Variants in FOCAD observed in about 807,000 individuals in gnomAD.
The protein encoded by FOCAD is focadhesin.
In FOCAD, 198 loss-of-function variants were observed where a neutral mutation model predicts 225.6. The observed-to-expected ratio is 0.88, with a 90% CI of 0.78 to 0.99. The LOEUF (loss-of-function observed/expected upper bound fraction) is 0.99, where lower values mean the gene tolerates loss of function less well. Ranked by LOEUF, FOCAD falls within the 50% of genes least tolerant of loss-of-function variation. FOCAD has a pLI of 0.00. For synonymous variants in FOCAD, 897 were observed against 755.0 expected (o/e 1.19, Z -3.08); for missense variants, 2,713 against 2,123.6 (o/e 1.28, Z -5.46).
At position 20,819,800 on chromosome 9, in the gene FOCAD, CA is replaced by C; in HGVS notation, c.1463del (p.Asn488IlefsTer2). ...ELAQADSSQV[P>X]NLIPVLMFKL... ...TATTTTAAAAATTCATTTTAGGTGC[CA>C]AATCTGATTCCAGTTTTGATGTTCA... On this transcript the variant is annotated frameshift_variant, in exon 12 of 44. Transcript: ENST00000338382. LOFTEE classifies it high-confidence loss of function. 6.6e-7 allele frequency: 1 copy of C among 1,518,574 alleles called. No homozygotes were observed. The highest frequency in any genetic ancestry group is 8.8e-7 in the Non-Finnish European group (1 of 1,133,980). The allele number at this position is 1,518,574 out of a possible 1,614,324, so 94.1% of individuals were successfully genotyped here.
At position 20,882,016 on chromosome 9, in the gene FOCAD, T is replaced by G. The variant is rs1271701687; in HGVS notation, c.2463T>G (p.Tyr821Ter). 1 of 1,613,846 alleles carries G rather than the reference T, an allele frequency of 6.2e-7. No homozygotes were observed. The highest frequency in any genetic ancestry group is 1.7e-5 in the Admixed American group (1 of 59,992). ...AGIPNFILKM[Y>*]ETNKQPGLKP... ...TCCCCAATTTTATATTGAAAATGTA[T>G]GAAACAAACAAGCAACCAGGACTGA... is the stretch of plus-strand genomic sequence containing the variant. Residue 821 changes from tyrosine (Y) to a stop codon, truncating the protein, a stop_gained, in exon 20 of 44, where the codon TAT (tyrosine) becomes TAG (stop). Coordinates refer to ENST00000338382, the MANE Select transcript of FOCAD (RefSeq NM_001375567.1). LOFTEE classifies it high-confidence loss of function.
chr9:20,825,020 T>C (rs1824722246), intron 15 of FOCAD, among the ~76,000 whole-genome samples: 1 of 151,332 alleles, frequency 6.6e-6, no homozygotes, highest in Non-Finnish European at 1.5e-5. Context: ...TTGGTGATAA[T>C]TTTTTTTTAA....
At chr9:20,731,536 A>G (rs1161743017) in intron 4 of FOCAD, among the ~76,000 whole-genome samples, 1 of 152,198 alleles carries the variant, frequency 6.6e-6, no homozygotes, top group African/African-American at 2.4e-5. Flanking sequence ...AGAACTAGAA[A>G]TACCTTCAGA....
At chr9:20,809,716 G>T (rs1564017959) in intron 11 of FOCAD, among the ~76,000 whole-genome samples, 1 of 152,132 alleles carries the variant, frequency 6.6e-6, no homozygotes, top group Non-Finnish European at 1.5e-5. Context: ...GATTATAGTT[G>T]TGAGTTTCTT....
At chr9:20,754,751 G>C (rs1185820315) in intron 5 of FOCAD, among the ~76,000 whole-genome samples, 1 of 152,076 alleles carries the variant, frequency 6.6e-6, no homozygotes, top group Non-Finnish European at 1.5e-5. Flanking sequence ...GGAGGCCAGG[G>C]ATGCTGCCAA....
At position 20,912,982 on chromosome 9, in the gene FOCAD, A is replaced by T. The variant is rs770265087; in HGVS notation, c.2807+28A>T. ...AAGTGTTCATGTTCAGCTGCCCATT[A>T]TTTGTCATGGGAAGTGAGCTATGAG... is the stretch of plus-strand genomic sequence containing the variant. On this transcript the variant is annotated intron_variant, in intron 23 of 43. Coordinates refer to ENST00000338382, the MANE Select transcript of FOCAD (RefSeq NM_001375567.1). 3.2e-6 allele frequency: 5 copies of T among 1,581,324 alleles called. No homozygotes were observed. In the East Asian group the frequency reaches 1.1e-4, roughly 35 times the overall value.
chr9:20,911,770 C>T (rs1833458922), intron 22 of FOCAD, among the ~76,000 whole-genome samples: 2 of 152,120 alleles, frequency 1.3e-5, no homozygotes, highest in East Asian at 3.9e-4. Flanking sequence ...GCATTCTGAG[C>T]CCATGTCCTT....
intron 6 of FOCAD, among the ~76,000 whole-genome samples, chr9:20,759,190 G>C (rs562921876): frequency 6.6e-6 from 1 of 152,060 alleles, no homozygotes; most frequent in Non-Finnish European, 1.5e-5. Flanking sequence ...TGGCCATACT[G>C]CCCAAGGCCA....
At chr9:20,754,961 C>G (rs1167070604) in intron 5 of FOCAD, among the ~76,000 whole-genome samples, 2 of 152,130 alleles carry the variant, frequency 1.3e-5, no homozygotes, top group Non-Finnish European at 2.9e-5. Flanking sequence ...AATTTGATGA[C>G]TCTTAAGGGA....
chr9:20,765,996 G>C (rs1830022774), intron 7 of FOCAD, among the ~76,000 whole-genome samples: 1 of 152,194 alleles, frequency 6.6e-6, no homozygotes, highest in South Asian at 2.1e-4. Context: ...AATCAAGGCA[G>C]AGAAAATTTA....
chr9:20,917,237 T>A (rs944248535), intron 24 of FOCAD, among the ~76,000 whole-genome samples: 2 of 151,974 alleles, frequency 1.3e-5, no homozygotes, highest in Admixed American at 1.3e-4. Flanking sequence ...ACTTAAAGGA[T>A]TGTAATTTAG....
chr9:20,990,060 G>A (rs555948604), intron 41 of FOCAD, 63 bp from the exon 42 acceptor site: 1 of 1,594,952 alleles, frequency 6.3e-7, no homozygotes, highest in East Asian at 2.2e-5. Flanking sequence ...CTGTGTATGT[G>A]AACATGTGTT....
intron 4 of FOCAD, among the ~76,000 whole-genome samples, chr9:20,721,910 T>TC (rs1177006478): frequency 2.6e-5 from 1 of 37,986 alleles, no homozygotes; most frequent in Admixed American, 4.1e-4. Flanking sequence ...CTCCCTTTCC[T>TC]TTTCCTTCCC....
At chr9:20,898,859 G>A (rs1832325213) in intron 21 of FOCAD, among the ~76,000 whole-genome samples, 1 of 151,994 alleles carries the variant, frequency 6.6e-6, no homozygotes, top group East Asian at 1.9e-4. Context: ...GTAGTGGTAA[G>A]GTGTTGGGGG....
chr9:20,666,169 TA>T (rs1411112997), intron 2 of FOCAD, among the ~76,000 whole-genome samples: 2 of 152,238 alleles, frequency 1.3e-5, no homozygotes, highest in Non-Finnish European at 2.9e-5. Flanking sequence ...CATTTGTTGT[TA>T]AAAATTCTGT....
intron 23 of FOCAD, among the ~76,000 whole-genome samples, chr9:20,916,121 A>G (rs1324194894): frequency 3.3e-5 from 5 of 152,200 alleles, no homozygotes; most frequent in Admixed American, 2.0e-4. Flanking sequence ...TGTCAATATA[A>G]TTTATATTTA....
chr9:20,802,594 T>A (rs1821966748), intron 11 of FOCAD, among the ~76,000 whole-genome samples: 1 of 152,164 alleles, frequency 6.6e-6, no homozygotes, highest in Non-Finnish European at 1.5e-5. Flanking sequence ...ATTAGGTGTA[T>A]CTACCTTATG....
intron 35 of FOCAD, among the ~76,000 whole-genome samples, chr9:20,959,028 T>G (rs866480394): frequency 6.6e-6 from 1 of 152,156 alleles, no homozygotes; most frequent in Non-Finnish European, 1.5e-5. Context: ...ATAGAATGAT[T>G]TCCTTTCCTT....
At chr9:20,694,689 T>C (rs1401558802) in intron 1 of FOCAD, 1 of 152,224 alleles carries the variant, frequency 6.6e-6, no homozygotes, top group Admixed American at 6.5e-5. Flanking sequence ...ATATAGTAAA[T>C]GAACTTAATT....
Sources: gnomAD v4.1 joint callset for allele counts (sites outside exome capture counted in the v4.1 genomes callset) on GRCh38, gnomAD v4.1.1 for gene constraint, MANE v1.5 for transcripts, NCBI Gene and HGNC (gene_info 2026-07-23, HGNC 2026-07-21) for gene names.